Variants in FAM114A1 observed in about 807,000 individuals in gnomAD.
FAM114A1 encodes protein NOXP20.
FAM114A1 carries 62 observed loss-of-function variants against 64.3 expected under a neutral mutation model. That is an observed-to-expected ratio of 0.96 (90% CI 0.79 to 1.19). The LOEUF (loss-of-function observed/expected upper bound fraction) is 1.19, where lower values mean the gene tolerates loss of function less well. Among genes scored for constraint, FAM114A1 ranks in the 50% most tolerant of loss-of-function variants. FAM114A1 has a pLI of 0.00. For synonymous variants in FAM114A1, 254 were observed against 251.1 expected, an observed-to-expected ratio of 1.01 and a Z score of -0.11; for missense variants, 645 against 676.3, an observed-to-expected ratio of 0.95 and a Z score of 0.51.
intron 4 of FAM114A1, among the ~76,000 whole-genome samples, chr4:38,896,751 C>T (rs1303760074): frequency 6.6e-6 from 1 of 152,190 alleles, no homozygotes; most frequent in East Asian, 1.9e-4. Flanking sequence ...ACAGCATTAG[C>T]AGTTTATTAT....
intron 8 of FAM114A1, among the ~76,000 whole-genome samples, chr4:38,919,515 G>C (rs1157114116): frequency 6.6e-6 from 1 of 152,180 alleles, no homozygotes; most frequent in Non-Finnish European, 1.5e-5. Flanking sequence ...TTCCATGCAG[G>C]CTGTGAGAGG....
intron 6 of FAM114A1, among the ~76,000 whole-genome samples, chr4:38,906,356 C>T (rs1164925214): frequency 1.3e-5 from 2 of 151,958 alleles, no homozygotes; most frequent in South Asian, 2.1e-4. Flanking sequence ...TCTTCATTCC[C>T]ACCCTTCCTC....
chr4:38,917,476 A>G (rs1479047897), intron 8 of FAM114A1, among the ~76,000 whole-genome samples: 7 of 152,232 alleles, frequency 4.6e-5, no homozygotes, highest in Admixed American at 1.3e-4. Flanking sequence ...AGAATTATTA[A>G]CAGAATTAAA....
intron 3 of FAM114A1, among the ~76,000 whole-genome samples, chr4:38,880,470 A>G (rs1423422671): frequency 1.3e-5 from 2 of 152,196 alleles, no homozygotes; most frequent in East Asian, 3.8e-4. Context: ...TGATCTTAGA[A>G]CAACAACAAT....
chr4:38,914,441 C>T (rs953130976), intron 7 of FAM114A1, among the ~76,000 whole-genome samples: 1 of 152,024 alleles, frequency 6.6e-6, no homozygotes, highest in Non-Finnish European at 1.5e-5. Context: ...TGGCAAGGGT[C>T]TGTAGTCCCA....
At chr4:38,900,333 C>T (rs775146640) in intron 4 of FAM114A1, among the ~76,000 whole-genome samples, 9 of 151,734 alleles carry the variant, frequency 5.9e-5, no homozygotes, top group South Asian at 2.1e-4. Context: ...GAAGACAGTA[C>T]AACAGTTCCT....
chr4:38,877,874 G>T (rs894488431), intron 2 of FAM114A1, among the ~76,000 whole-genome samples, 197 bp from the exon 3 acceptor site: 16 of 151,300 alleles, frequency 1.1e-4, no homozygotes, highest in Admixed American at 4.0e-4. Context: ...TGAGGCAGGA[G>T]AATCGCTTGA....
At chr4:38,914,848 TCCC>T in intron 7 of FAM114A1, 70 bp from the exon 8 acceptor site, 1 of 1,516,536 alleles carries the variant, frequency 6.6e-7, no homozygotes, top group Non-Finnish European at 8.9e-7. Flanking sequence ...CCTCCCAACC[TCCC>T]CCATGTCTTA....
chr4:38,935,604 C>A, intron 12 of FAM114A1, 114 bp from the exon 13 acceptor site: 1 of 665,696 alleles, frequency 1.5e-6, no homozygotes. Flanking sequence ...CATCTTCAAG[C>A]ATGTGTGGCA....
chr4:38,917,870 G>A (rs1399277641), intron 8 of FAM114A1, among the ~76,000 whole-genome samples: 1 of 152,076 alleles, frequency 6.6e-6, no homozygotes, highest in African/African-American at 2.4e-5. Flanking sequence ...TCATAGTAAG[G>A]AAAATAAATT....
chr4:38,887,455 A>G (rs1560293886), intron 3 of FAM114A1, among the ~76,000 whole-genome samples: 1 of 152,214 alleles, frequency 6.6e-6, no homozygotes, highest in Non-Finnish European at 1.5e-5. Flanking sequence ...CTTATACAAA[A>G]CCTTGCTAAG....
At position 38,926,944 on chromosome 4, in the gene FAM114A1, C is replaced by G. The variant is rs557635118; in HGVS notation, c.1070-2298C>G. Reference sequence around the variant, plus strand: ...GCAAAAGCCCCCTTAGAGCACTTACCTCTTTGGGTTAAAACGATTTGCTTG... The same window carrying G: ...GCAAAAGCCCCCTTAGAGCACTTACGTCTTTGGGTTAAAACGATTTGCTTG... On this transcript the variant is annotated intron_variant, in intron 9 of 14. Coordinates refer to ENST00000358869, the MANE Select transcript of FAM114A1 (RefSeq NM_138389.4). Among the ~76,000 whole-genome samples, 3 of 151,658 alleles carry G rather than the reference C, an allele frequency of 2.0e-5. No homozygotes were observed. The East Asian group carries it at 5.8e-4, about 29-fold the overall frequency.
At chr4:38,917,149 C>CAAATGAATAAAT (rs1719133483) in intron 8 of FAM114A1, among the ~76,000 whole-genome samples, 2 of 143,136 alleles carry the variant, frequency 1.4e-5, no homozygotes, top group East Asian at 4.1e-4. Context: ...ACTAAAAATA[C>CAAATGAATAAAT]AAATAAATAA....
intron 13 of FAM114A1, among the ~76,000 whole-genome samples, chr4:38,940,012 C>T (rs978643397): frequency 6.6e-6 from 1 of 151,974 alleles, no homozygotes; most frequent in African/African-American, 2.4e-5. Flanking sequence ...CCTTAGCCTC[C>T]TGAGTAGCTG....
At chr4:38,932,115 C>T (rs2109787518) in intron 11 of FAM114A1, 120 bp from the exon 12 acceptor site, 1 of 1,134,292 alleles carries the variant, frequency 8.8e-7, no homozygotes, top group Non-Finnish European at 1.2e-6. Context: ...ATCAGGTTAA[C>T]TATTTCGGGT....
intron 9 of FAM114A1, among the ~76,000 whole-genome samples, chr4:38,924,367 G>C (rs540086720): frequency 1.3e-5 from 2 of 152,284 alleles, no homozygotes; most frequent in Admixed American, 1.3e-4. Flanking sequence ...TTATTACCCG[G>C]CATGCAAAGT....
At chr4:38,916,756 A>G (rs548060804) in intron 8 of FAM114A1, among the ~76,000 whole-genome samples, 5 of 152,200 alleles carry the variant, frequency 3.3e-5, no homozygotes, top group African/African-American at 1.2e-4. Flanking sequence ...GTGTATACCT[A>G]TGTTAACAAA....
chr4:38,931,027 A>G (rs1369023316), intron 10 of FAM114A1, among the ~76,000 whole-genome samples: 2 of 152,182 alleles, frequency 1.3e-5, no homozygotes, highest in Admixed American at 6.5e-5. Flanking sequence ...CCTGAAATAT[A>G]TCAGATGAGG....
At chr4:38,926,762 ATCTATCTCTGAGACTGTCTC>A (rs1189469769) in intron 9 of FAM114A1, among the ~76,000 whole-genome samples, 1 of 151,852 alleles carries the variant, frequency 6.6e-6, no homozygotes, top group African/African-American at 2.4e-5. Context: ...GGCCCTCTCT[ATCTATCTCTGAGACTGTCTC>A]TCTATCTCTG....
Sources: gnomAD v4.1 joint callset for allele counts (sites outside exome capture counted in the v4.1 genomes callset) on GRCh38, gnomAD v4.1.1 for gene constraint, MANE v1.5 for transcripts, NCBI Gene and HGNC (gene_info 2026-07-23, HGNC 2026-07-21) for gene names.